Variants in FMN2 observed in about 807,000 individuals in gnomAD.
The protein encoded by FMN2 is formin-2.
In FMN2, 51 loss-of-function variants were observed where a neutral mutation model predicts 142.3. The ratio of observed to expected loss-of-function variants is 0.36; its 90% CI spans 0.29 to 0.45. The LOEUF (loss-of-function observed/expected upper bound fraction) is 0.45, where lower values mean the gene tolerates loss of function less well. Ranked by LOEUF, FMN2 falls within the 20% of genes least tolerant of loss-of-function variation. The pLI, the probability that FMN2 is intolerant of heterozygous loss-of-function variation, is 1.00. For missense variants in FMN2, 1,936 were observed against 2,122.8 expected (o/e 0.91, Z 1.73); for synonymous variants, 882 against 869.8 (o/e 1.01, Z -0.25).
At chr1:240,467,908 G>T (rs1266938072) in intron 16 of FMN2, among the ~76,000 whole-genome samples, 1 of 152,102 alleles carries the variant, frequency 6.6e-6, no homozygotes, top group Non-Finnish European at 1.5e-5. Context: ...AAAAGATAAT[G>T]CTACATTTCC....
intron 7 of FMN2, among the ~76,000 whole-genome samples, chr1:240,267,571 C>T (rs1426673089): frequency 1.3e-5 from 2 of 150,022 alleles, no homozygotes; most frequent in African/African-American, 2.5e-5. Context: ...ATAATCTGCA[C>T]AACAAACCCT....
chr1:240,264,000 A>G (rs543032447), intron 7 of FMN2, among the ~76,000 whole-genome samples: 4 of 152,358 alleles, frequency 2.6e-5, no homozygotes, highest in East Asian at 3.9e-4. Context: ...TAAACTACCT[A>G]GCATTCCATC....
intron 14 of FMN2, among the ~76,000 whole-genome samples, chr1:240,375,015 A>G (rs1472481257): frequency 6.6e-6 from 1 of 152,160 alleles, no homozygotes; most frequent in Non-Finnish European, 1.5e-5. Context: ...TTGTAGGGTT[A>G]TTAATTGGCC....
chr1:240,284,942 C>A (rs532466111), intron 7 of FMN2, among the ~76,000 whole-genome samples: 2 of 152,258 alleles, frequency 1.3e-5, no homozygotes, highest in African/African-American at 4.8e-5. Context: ...CTCTCAGGAA[C>A]TGGTCAACCT....
chr1:240,419,656 A>G (rs1674698987), intron 15 of FMN2, among the ~76,000 whole-genome samples: 1 of 152,070 alleles, frequency 6.6e-6, no homozygotes, highest in Non-Finnish European at 1.5e-5. Flanking sequence ...TCCCTTTTGC[A>G]CTATACAGTC....
At chr1:240,254,989 C>CG (rs1298906987) in intron 6 of FMN2, among the ~76,000 whole-genome samples, 6 of 152,158 alleles carry the variant, frequency 3.9e-5, no homozygotes, top group Admixed American at 3.9e-4. Flanking sequence ...GCCTGATCTC[C>CG]GGGTGGCTCC....
At chr1:240,159,372 A>G (rs1664164271) in intron 2 of FMN2, among the ~76,000 whole-genome samples, 1 of 151,808 alleles carries the variant, frequency 6.6e-6, no homozygotes, top group South Asian at 2.1e-4. Context: ...TTGACACTCT[A>G]TTTTTTCCCT....
chr1:240,114,111 CT>C (rs1456057805), intron 1 of FMN2, among the ~76,000 whole-genome samples: 45 of 152,220 alleles, frequency 3.0e-4, no homozygotes, highest in Admixed American at 1.9e-3. Context: ...TTTATCAACC[CT>C]TTTTTTCCAC....
At chr1:240,428,376 C>T (rs1048424936) in intron 15 of FMN2, among the ~76,000 whole-genome samples, 6 of 150,668 alleles carry the variant, frequency 4.0e-5, no homozygotes, top group Non-Finnish European at 5.9e-5. Context: ...GGCAGGTGCA[C>T]ACCACCACAC....
rs1331850796 is a variant in FMN2, at chr1:240,148,520, AGAGACT to A, written c.1782+25185_1782+25190del. Among the ~76,000 whole-genome samples, 3 of 152,102 alleles carry A rather than the reference AGAGACT, an allele frequency of 2.0e-5. No homozygotes were observed. In the East Asian group the frequency reaches 5.8e-4, roughly 29 times the overall value. On this transcript the variant is annotated intron_variant, in intron 2 of 17. Transcript: ENST00000319653. Reference sequence around the variant, plus strand: ...AGAGAGGAGAGAGAGAAGGAGAGAGAGAGACTGAGACTGAGTTTGTCTCCAATTGGG... The same window carrying A: ...AGAGAGGAGAGAGAGAAGGAGAGAGAGAGACTGAGTTTGTCTCCAATTGGG...
chr1:240,160,541 A>G (rs1664235089), intron 2 of FMN2, among the ~76,000 whole-genome samples: 1 of 150,784 alleles, frequency 6.6e-6, no homozygotes, highest in African/African-American at 2.4e-5. Flanking sequence ...AGATTATCAG[A>G]AAAGTGTTTG....
chr1:240,327,205 C>T (rs1436993004), intron 8 of FMN2, among the ~76,000 whole-genome samples: 1 of 152,156 alleles, frequency 6.6e-6, no homozygotes, highest in Non-Finnish European at 1.5e-5. Context: ...ACCTCCGTTA[C>T]TTCTTTGTAT....
chr1:240,427,536 T>C (rs768886708), intron 15 of FMN2, among the ~76,000 whole-genome samples: 18 of 152,178 alleles, frequency 1.2e-4, no homozygotes, highest in Non-Finnish European at 2.1e-4. Context: ...ACAGTTTGTT[T>C]TGAGCAGGAT....
chr1:240,260,707 T>C (rs1265657728), intron 7 of FMN2, among the ~76,000 whole-genome samples: 1 of 152,242 alleles, frequency 6.6e-6, no homozygotes, highest in Non-Finnish European at 1.5e-5. Flanking sequence ...GTGGGTTGTC[T>C]GTTTACTCTG....
At chr1:240,115,554 G>A (rs1015770537) in intron 1 of FMN2, among the ~76,000 whole-genome samples, 1 of 152,116 alleles carries the variant, frequency 6.6e-6, no homozygotes, top group African/African-American at 2.4e-5. Flanking sequence ...TCTGGGTTTT[G>A]GGATACCTTG....
intron 6 of FMN2, among the ~76,000 whole-genome samples, chr1:240,232,937 T>C (rs1225402983): frequency 2.0e-5 from 3 of 152,250 alleles, no homozygotes; most frequent in Admixed American, 6.5e-5. Flanking sequence ...ATATTTATTT[T>C]ATCTTTTCTG....
rs1321120786 is a variant in FMN2 at position 240,207,403 on chromosome 1, C to T, written c.2591C>T (p.Thr864Ile). Residue 864 changes from threonine to isoleucine, a missense_variant, in exon 5 of 18, where the codon ACA (threonine) becomes ATA (isoleucine). This residue lies in a region of FMN2 where 478 missense variants were observed against 462.8 expected (regional missense o/e 1.03). Transcript: ENST00000319653. ...NIPSPPPLPC[T>I]ESSSSMPGLG... Reference sequence around the variant, plus strand: ...CCATCTCCACCACCTCTGCCTTGCACAGAGTCCTCCAGCTCCATGCCTGGC... The same window carrying T: ...CCATCTCCACCACCTCTGCCTTGCATAGAGTCCTCCAGCTCCATGCCTGGC... The T allele has an allele frequency of 6.2e-7, 1 of 1,613,876 alleles. No individual in the cohort carries two copies. The highest frequency in any genetic ancestry group is 8.5e-7 in the Non-Finnish European group (1 of 1,179,892).
chr1:240,358,446 A>G (rs1672347260), intron 14 of FMN2, among the ~76,000 whole-genome samples: 1 of 152,208 alleles, frequency 6.6e-6, no homozygotes, highest in Non-Finnish European at 1.5e-5. Flanking sequence ...GGAGTTCCGA[A>G]TATGTTTCCT....
At chr1:240,169,134 C>G (rs1331281405) in intron 2 of FMN2, among the ~76,000 whole-genome samples, 1 of 152,156 alleles carries the variant, frequency 6.6e-6, no homozygotes, top group African/African-American at 2.4e-5. Flanking sequence ...TCGCTTGAAC[C>G]CGGGATGCAG....
Sources: gnomAD v4.1 joint callset for allele counts (sites outside exome capture counted in the v4.1 genomes callset) on GRCh38, gnomAD v4.1.1 for gene constraint, gnomAD v4.1.1 regional missense constraint, MANE v1.5 for transcripts, NCBI Gene and HGNC (gene_info 2026-07-23, HGNC 2026-07-21) for gene names.